Variants in C22orf23 observed in about 807,000 individuals in gnomAD.
C22orf23 encodes the protein chromosome 22 open reading frame 23.
C22orf23 carries 30 observed loss-of-function variants against 29.7 expected under a neutral mutation model. That is an observed-to-expected ratio of 1.01 (90% CI 0.76 to 1.37). The LOEUF (loss-of-function observed/expected upper bound fraction) is 1.37. C22orf23 is among the 40% of genes most tolerant of loss of function. C22orf23 has a pLI of 0.00. For synonymous variants in C22orf23, 90 were observed against 96.1 expected, an observed-to-expected ratio of 0.94 and a Z score of 0.37; for missense variants, 237 against 273.1, an observed-to-expected ratio of 0.87 and a Z score of 0.93.
At chr22:37,952,979 A>C in intron 2 of C22orf23, 68 bp downstream of exon 2, 2 of 1,169,598 alleles carry the variant, frequency 1.7e-6, no homozygotes, top group Non-Finnish European at 2.5e-6. Context: ...CGTCAGTGGA[A>C]AAATTGTCTT....
intron 2 of C22orf23, chr22:37,952,809 C>A: frequency 2.3e-6 from 1 of 426,048 alleles, no homozygotes. Context: ...TCACCGCCTC[C>A]TTTCAGGTCA....
chr22:37,948,529 G>A (rs1166448311), intron 3 of C22orf23, among the ~76,000 whole-genome samples: 2 of 152,056 alleles, frequency 1.3e-5, no homozygotes, highest in African/African-American at 2.4e-5. Context: ...GCTGAGGCAG[G>A]AGAATCTCTT....
intron 2 of C22orf23, chr22:37,952,685 T>C (rs1031078193): frequency 3.8e-4 from 71 of 187,926 alleles, no homozygotes; most frequent in Non-Finnish European, 2.6e-4. Flanking sequence ...CCACCATTCT[T>C]CTCTCATCCT....
chr22:37,947,468 G>C lies in C22orf23; in HGVS notation c.167-5C>G, dbSNP rs1930769232. The stretch of plus-strand genomic sequence containing the variant: ...GTAGGGGCAAAGCATCTCCTCCTGG[G>C]GAACGAAGAGTTGGGGTGGGAGGAC... On this transcript the variant is annotated splice_polypyrimidine_tract_variant and splice_region_variant and intron_variant, in intron 3 of 6. Coordinates refer to ENST00000403305, the MANE Select transcript of C22orf23 (RefSeq NM_032561.5). 1.3e-6 allele frequency: 2 copies of C among 1,540,848 alleles called. No homozygotes were observed. Among genetic ancestry groups the C allele is most frequent in the African/African-American group, 2.8e-5 (2 of 70,888 alleles).
intron 2 of C22orf23, among the ~76,000 whole-genome samples, chr22:37,952,032 C>G (rs1194514268): frequency 6.6e-6 from 1 of 151,750 alleles, no homozygotes; most frequent in Non-Finnish European, 1.5e-5. Flanking sequence ...TCAGGCTGGT[C>G]GTGAACTCCT....
chr22:37,945,400 A>G (rs1390954864), intron 4 of C22orf23, among the ~76,000 whole-genome samples: 1 of 151,998 alleles, frequency 6.6e-6, no homozygotes, highest in Non-Finnish European at 1.5e-5. Context: ...TGTAATTCCA[A>G]CACTTTGGGA....
At chr22:37,947,659 C>T (rs1258799366) in intron 3 of C22orf23, among the ~76,000 whole-genome samples, 196 bp from the exon 4 acceptor site, 2 of 151,440 alleles carry the variant, frequency 1.3e-5, no homozygotes, top group Admixed American at 6.6e-5. Flanking sequence ...TACAGGCATG[C>T]GCCACCATGC....
chr22:37,947,997 C>G (rs919505875), intron 3 of C22orf23, among the ~76,000 whole-genome samples: 7 of 151,882 alleles, frequency 4.6e-5, no homozygotes, highest in Non-Finnish European at 1.0e-4. Context: ...GTCCCTACTG[C>G]TCGGGAGGCT....
rs1443045334 is a variant in C22orf23, at chr22:37,945,042, G to C, written c.481C>G (p.Leu161Val). The change falls in exon 5 of 7, where the codon CTG (leucine) becomes GTG (valine). Residue 161 changes from leucine to valine, a missense_variant and splice_region_variant. Coordinates refer to ENST00000403305, the MANE Select transcript of C22orf23 (RefSeq NM_032561.5). ...CATGACTGGTCCGTCGGAGTCTTACGCTCTTCAAATCGGTCTAGCTCAGGG... is the reference window on the plus strand; with the variant it reads ...CATGACTGGTCCGTCGGAGTCTTACCCTCTTCAAATCGGTCTAGCTCAGGG... ...PAPELDRFEELVKEIQERKEF... is the reference protein window; with the variant it reads ...PAPELDRFEEVVKEIQERKEF... 1 of 1,602,162 alleles carries C rather than the reference G, an allele frequency of 6.2e-7. No individual in the cohort carries two copies. Among genetic ancestry groups the C allele is most frequent in the Non-Finnish European group, 8.5e-7 (1 of 1,175,930 alleles).
In C22orf23 at chr22:37,943,962, G is replaced by T; in HGVS notation, c.*213C>A. On this transcript the variant is annotated 3_prime_UTR_variant, in exon 7 of 7. Coordinates refer to ENST00000403305, the MANE Select transcript of C22orf23 (RefSeq NM_032561.5). ...GGATGCTCGGGCTTTGCTTCTCTGC[G>T]GACGGGGCTGTGAGTCTCAGAGGCT... 1 of 606,492 alleles carries T rather than the reference G, an allele frequency of 1.6e-6. No individual in the cohort carries two copies. The highest frequency in any genetic ancestry group is 2.8e-5 in the East Asian group (1 of 36,082). 37.6% of individuals were successfully genotyped at this position (606,492 alleles called of 1,614,324 possible). A position where few individuals can be genotyped will look rare whatever the true frequency, so the allele number is the denominator to read the frequency against.
At chr22:37,951,380 C>T in intron 3 of C22orf23, 80 bp downstream of exon 3, 2 of 1,261,710 alleles carry the variant, frequency 1.6e-6, no homozygotes, top group Admixed American at 1.9e-5. Flanking sequence ...ATGAGGTCCT[C>T]TCTCCCTTAA....
At chr22:37,948,846 TTTCAC>T (rs1930853864) in intron 3 of C22orf23, among the ~76,000 whole-genome samples, 1 of 152,178 alleles carries the variant, frequency 6.6e-6, no homozygotes, top group South Asian at 2.1e-4. Context: ...AACAGACTCT[TTTCAC>T]TTAACATTTT....
chr22:37,952,142 C>CA (rs1337113406), intron 2 of C22orf23, among the ~76,000 whole-genome samples: 2 of 152,078 alleles, frequency 1.3e-5, no homozygotes, highest in Non-Finnish European at 2.9e-5. Context: ...GCACCTAAAA[C>CA]AGAGTCTAAG....
At position 37,947,294 on chromosome 22, in the gene C22orf23, C is replaced by T; in HGVS notation, c.336G>A (p.Lys112=). The T allele has an allele frequency of 6.2e-7, 1 of 1,614,012 alleles. No individual in the cohort carries two copies. The highest frequency in any genetic ancestry group is 8.5e-7 in the Non-Finnish European group (1 of 1,180,010). ...ANGAYSREQF[K]PQATRDLEKE... ...ACCCTCACTTACTGGTGGCTTGAGG[C>T]TTGAACTGCTCCCGGCTGTAGGCCC... Residue 112 remains lysine (K), a synonymous_variant, in exon 4 of 7, where the codon AAG becomes AAA. Coordinates refer to ENST00000403305, the MANE Select transcript of C22orf23 (RefSeq NM_032561.5).
chr22:37,950,150 T>A (rs1242292837), intron 3 of C22orf23, among the ~76,000 whole-genome samples: 4 of 152,070 alleles, frequency 2.6e-5, no homozygotes, highest in Non-Finnish European at 5.9e-5. Flanking sequence ...TCTTGCTCTG[T>A]CACCCACACT....
At chr22:37,950,450 A>T (rs1436691855) in intron 3 of C22orf23, among the ~76,000 whole-genome samples, 3 of 151,396 alleles carry the variant, frequency 2.0e-5, no homozygotes, top group Admixed American at 1.3e-4. Flanking sequence ...ATTTTATTTT[A>T]ATTATTTTGA....
chr22:37,952,247 G>A (rs1462011144), intron 2 of C22orf23, among the ~76,000 whole-genome samples: 2 of 152,174 alleles, frequency 1.3e-5, no homozygotes, highest in East Asian at 1.9e-4. Flanking sequence ...TGTTTCAGGG[G>A]CTGGAGCTAC....
At chr22:37,946,238 G>A (rs1405989512) in intron 4 of C22orf23, among the ~76,000 whole-genome samples, 2 of 149,620 alleles carry the variant, frequency 1.3e-5, no homozygotes, top group Non-Finnish European at 3.0e-5. Flanking sequence ...CAGCCTGGGC[G>A]ACAGAGCAAG....
At chr22:37,947,503 T>G in intron 3 of C22orf23, 40 bp from the exon 4 acceptor site, 5 of 7,814 alleles carry the variant, frequency 6.4e-4, no homozygotes, top group Admixed American at 3.8e-3. Flanking sequence ...CCCACATGGC[T>G]TTTTTTTTTT....
Sources: allele counts gnomAD v4.1 joint callset (sites outside exome capture counted in the v4.1 genomes callset), GRCh38; gene constraint gnomAD v4.1.1; transcripts MANE v1.5; gene names NCBI Gene and HGNC (gene_info 2026-07-23, HGNC 2026-07-21).